LEKR1: variants seen among roughly 807,000 people sequenced by gnomAD.
LEKR1 encodes the protein protein LEKR1.
In LEKR1, 59 loss-of-function variants were observed where a neutral mutation model predicts 72.4. That is an observed-to-expected ratio of 0.82 (90% confidence interval 0.66 to 1.01). The LOEUF (loss-of-function observed/expected upper bound fraction) is 1.01, where lower values mean the gene tolerates loss of function less well. LEKR1 is among the 50% of genes least tolerant of loss of function. The probability of loss-of-function intolerance (pLI) is 0.00; values close to 1 mark genes in which losing one functional copy is unlikely to be tolerated. For synonymous variants in LEKR1, 257 were observed against 263.2 expected (o/e 0.98, Z 0.23); for missense variants, 728 against 759.2 (o/e 0.96, Z 0.48).
At chr3:156,895,201 A>AC (rs1721050938) in intron 3 of LEKR1, among the ~76,000 whole-genome samples, 1 of 152,284 alleles carries the variant, frequency 6.6e-6, no homozygotes, top group Middle Eastern at 3.4e-3. Flanking sequence ...AGAAAAAACA[A>AC]CCCCATTAAA....
intron 3 of LEKR1, among the ~76,000 whole-genome samples, chr3:156,903,284 AAT>A (rs1722213478): frequency 1.3e-5 from 2 of 152,140 alleles, no homozygotes; most frequent in South Asian, 4.1e-4. Flanking sequence ...GTTAGATTAA[AAT>A]ATAGTTTTAA....
At chr3:156,918,766 G>GA (rs1322087631) in intron 3 of LEKR1, among the ~76,000 whole-genome samples, 2 of 152,158 alleles carry the variant, frequency 1.3e-5, no homozygotes, top group African/African-American at 2.4e-5. Context: ...GGAGAAACAG[G>GA]AAAAAAACAT....
intron 4 of LEKR1, 22 bp from the exon 5 acceptor site, chr3:156,927,407 A>ATTT (rs200029200): frequency 3.6e-5 from 29 of 805,470 alleles, no homozygotes; most frequent in South Asian, 4.9e-5. Flanking sequence ...TTAAAATCCT[A>ATTT]TTTTTTTTTT....
intron 3 of LEKR1, among the ~76,000 whole-genome samples, chr3:156,879,971 G>C (rs1448366105): frequency 6.6e-6 from 1 of 152,216 alleles, no homozygotes; most frequent in Non-Finnish European, 1.5e-5. Context: ...TGCAGGGGCT[G>C]GGCCCTCATG....
chr3:157,021,789 C>A (rs551399253), intron 10 of LEKR1, among the ~76,000 whole-genome samples: 32 of 152,110 alleles, frequency 2.1e-4, no homozygotes, highest in African/African-American at 7.7e-4. Flanking sequence ...TTAATAGTGC[C>A]AGAGCATCTT....
At chr3:157,024,640 A>G in intron 10 of LEKR1, 120 bp from the exon 11 acceptor site, 1 of 817,402 alleles carries the variant, frequency 1.2e-6, no homozygotes, top group Non-Finnish European at 1.9e-6. Context: ...AGAATTTTTA[A>G]AATAGTTTAA....
At chr3:157,013,881 G>T (rs940359194) in intron 10 of LEKR1, among the ~76,000 whole-genome samples, 7 of 151,982 alleles carry the variant, frequency 4.6e-5, no homozygotes, top group Admixed American at 4.6e-4. Flanking sequence ...TAGCTTAAAT[G>T]GTTTTAACAT....
rs1038782344 is a variant in LEKR1, at chr3:156,888,467, G to A, written c.264-32108G>A. 1.2e-5 allele frequency: 8 copies of A among 685,004 alleles called. No individual in the cohort carries two copies. In the East Asian group the frequency reaches 2.2e-4, roughly 19 times the overall value. The allele number at this position is 685,004 out of a possible 1,614,324, so 42.4% of individuals were successfully genotyped here. A position where few individuals can be genotyped will look rare whatever the true frequency, so the allele number is the denominator to read the frequency against. ...TGCAAAATAAATATTTTTTTGAAAT[G>A]AAGTCAATGGATTTATTATGATACT... On this transcript the variant is annotated intron_variant, in intron 3 of 12. Transcript: ENST00000356539.
rs116624417 is a variant in LEKR1 at position 157,030,703 on chromosome 3, G to A, written c.1668+2301G>A. Among the ~76,000 whole-genome samples the A allele has an allele frequency of 4.4e-3, 663 of 152,280 alleles. 2 individuals carry two copies. Among genetic ancestry groups the A allele is most frequent in the African/African-American group, 0.015 (639 of 41,564 alleles). ...CTTAGCTGAGTGTCTCTGGTTTAGA[G>A]GCTCAAGTTCTCTCATGAGGTTGGT... On this transcript the variant is annotated intron_variant, in intron 12 of 12. Transcript: ENST00000356539.
At chr3:156,849,736 G>A (rs377405927) in intron 2 of LEKR1, among the ~76,000 whole-genome samples, 18 of 152,090 alleles carry the variant, frequency 1.2e-4, no homozygotes, top group Middle Eastern at 3.4e-3. Flanking sequence ...TCCCTTCCTT[G>A]CACCTTATAC....
intron 10 of LEKR1, 108 bp downstream of exon 10, chr3:157,011,614 T>G: frequency 4.1e-6 from 3 of 732,336 alleles, no homozygotes; most frequent in Non-Finnish European, 7.0e-6. Flanking sequence ...CTATGCACAC[T>G]TTAGATTCCT....
At chr3:156,985,175 T>C (rs1195445043) in intron 7 of LEKR1, among the ~76,000 whole-genome samples, 1 of 152,176 alleles carries the variant, frequency 6.6e-6, no homozygotes, top group Non-Finnish European at 1.5e-5. Context: ...AGTAACAAGA[T>C]TGGCACATTT....
intron 6 of LEKR1, among the ~76,000 whole-genome samples, chr3:156,969,475 C>T (rs1728953683): frequency 1.3e-5 from 2 of 152,158 alleles, no homozygotes; most frequent in African/African-American, 4.8e-5. Flanking sequence ...AAACCACCAT[C>T]AGAGAATACT....
At chr3:156,875,591 A>C (rs1055650425) in intron 3 of LEKR1, among the ~76,000 whole-genome samples, 1 of 152,138 alleles carries the variant, frequency 6.6e-6, no homozygotes, top group Non-Finnish European at 1.5e-5. Flanking sequence ...TTGGTCATGA[A>C]CTTAATGACT....
Position 157,045,798 on chromosome 3 carries a change from G to C in LEKR1, c.*48G>C, listed in dbSNP as rs373061973. On this transcript the variant is annotated 3_prime_UTR_variant, in exon 13 of 13. Coordinates refer to ENST00000356539, the MANE Select transcript of LEKR1 (RefSeq NM_001004316.3). ...TCCCTACAGCGTGCACGCTCTTTCA[G>C]AGAGTGCCAGGAATTCACTGTAACT... 25 of 1,497,444 alleles carry C rather than the reference G, an allele frequency of 1.7e-5. No individual in the cohort carries two copies. The African/African-American group carries it at 2.9e-4, about 17-fold the overall frequency. 92.8% of individuals were successfully genotyped at this position (1,497,444 alleles called of 1,614,324 possible). A position where few individuals can be genotyped will look rare whatever the true frequency, so the allele number is the denominator to read the frequency against.
chr3:156,971,533 T>C (rs1179642139), intron 6 of LEKR1, among the ~76,000 whole-genome samples: 3 of 152,058 alleles, frequency 2.0e-5, no homozygotes, highest in Non-Finnish European at 2.9e-5. Flanking sequence ...CAAAAGAAAC[T>C]ACCATCAGAG....
intron 2 of LEKR1, among the ~76,000 whole-genome samples, chr3:156,838,747 G>T (rs1323060612): frequency 5.9e-5 from 9 of 152,176 alleles, no homozygotes; most frequent in Admixed American, 3.3e-4. Context: ...ATAAGCAGCT[G>T]CCAGAGCTCA....
At chr3:156,876,167 T>C (rs1177139119) in intron 3 of LEKR1, among the ~76,000 whole-genome samples, 1 of 152,194 alleles carries the variant, frequency 6.6e-6, no homozygotes, top group African/African-American at 2.4e-5. Context: ...TTCTGGGTTC[T>C]CTCTTCTGTT....
chr3:157,041,500 C>T (rs1735338012), intron 12 of LEKR1, among the ~76,000 whole-genome samples: 1 of 152,086 alleles, frequency 6.6e-6, no homozygotes, highest in Admixed American at 6.6e-5. Flanking sequence ...CTTGATCTGA[C>T]CCTGCTCACT....
Sources: allele counts gnomAD v4.1 joint callset (sites outside exome capture counted in the v4.1 genomes callset), GRCh38; gene constraint gnomAD v4.1.1; transcripts MANE v1.5; gene names NCBI Gene and HGNC (gene_info 2026-07-23, HGNC 2026-07-21).